OAS1: variants seen among roughly 807,000 people sequenced by gnomAD.
OAS1 encodes the protein 2'-5'-oligoadenylate synthase 1.
In OAS1, 24 loss-of-function variants were observed where a neutral mutation model predicts 38.5. The ratio of observed to expected loss-of-function variants is 0.62; its 90% CI spans 0.45 to 0.88. OAS1 has a LOEUF of 0.88. Ranked by LOEUF, OAS1 falls within the 40% of genes least tolerant of loss-of-function variation. OAS1 has a pLI of 0.00. For missense variants in OAS1, 482 were observed against 493.9 expected, an observed-to-expected ratio of 0.98 and a Z score of 0.23; for synonymous variants, 169 against 193.9, an observed-to-expected ratio of 0.87 and a Z score of 1.07.
At chr12:112,928,583 G>A (rs1419385058) in intron 6 of OAS1, among the ~76,000 whole-genome samples, 2 of 152,218 alleles carry the variant, frequency 1.3e-5, no homozygotes, top group African/African-American at 2.4e-5. Flanking sequence ...TTGCATTTAA[G>A]GCTGTTCTGT....
At position 112,917,583 on chromosome 12, in the gene OAS1, CTT is replaced by C; in HGVS notation, c.922_923del (p.Leu308GlyfsTer16). On this transcript the variant is annotated frameshift_variant, in exon 5 of 6. Coordinates refer to ENST00000202917, the MANE Select transcript of OAS1 (RefSeq NM_016816.4). LOFTEE classifies it high-confidence loss of function. ...ILDPADPTGNLGGGDPKGWRQ... is the reference protein window; with the variant it reads ...ILDPADPTGNXGGGDPKGWRQ... ...TGGACCCGGCGGACCCTACAGGAAA[CTT>C]GGGTGGTGGAGACCCAAAGGGTTGG... The C allele has an allele frequency of 1.2e-6, 2 of 1,614,178 alleles. No homozygotes were observed. Among genetic ancestry groups the C allele is most frequent in the Non-Finnish European group, 1.7e-6 (2 of 1,180,020 alleles).
chr12:112,921,237 C>T (rs1447963024), downstream of OAS1, among the ~76,000 whole-genome samples: 1 of 152,182 alleles, frequency 6.6e-6, no homozygotes, highest in African/African-American at 2.4e-5. Flanking sequence ...GATGTTTCAC[C>T]AGCTATCTTG....
At chr12:112,917,747 A>G (rs2043483256) in intron 5 of OAS1, 47 bp downstream of exon 5, 6 of 1,614,098 alleles carry the variant, frequency 3.7e-6, no homozygotes, top group Middle Eastern at 1.6e-4. Flanking sequence ...GCCCCTCTCC[A>G]TGAAGCTTGA....
downstream of OAS1, among the ~76,000 whole-genome samples, chr12:112,922,031 T>G (rs923454994): frequency 3.7e-4 from 56 of 152,188 alleles, no homozygotes; most frequent in Non-Finnish European, 1.6e-4. Flanking sequence ...TTTTTCACTC[T>G]TGGCTCCTAT....
chr12:112,915,237 T>C (rs1179985482), intron 3 of OAS1, among the ~76,000 whole-genome samples: 2 of 152,208 alleles, frequency 1.3e-5, no homozygotes, highest in East Asian at 1.9e-4. Flanking sequence ...TCTTCTAGAA[T>C]CTTTATGGTT....
chr12:112,917,570 A>G lies in OAS1; in HGVS notation c.908A>G (p.Asp303Gly), dbSNP rs1439027612. The change falls in exon 5 of 6, where the codon GAC becomes GGC. Residue 303 changes from aspartate (D) to glycine (G), a missense_variant. Coordinates refer to ENST00000202917, the MANE Select transcript of OAS1 (RefSeq NM_016816.4). ...AGGCCTGTGATCCTGGACCCGGCGGACCCTACAGGAAACTTGGGTGGTGGA... is the reference window on the plus strand; with the variant it reads ...AGGCCTGTGATCCTGGACCCGGCGGGCCCTACAGGAAACTTGGGTGGTGGA... The part of the protein sequence containing the change: ...KPRPVILDPA[D>G]PTGNLGGGDP... The G allele has an allele frequency of 6.2e-7, 1 of 1,614,080 alleles. No homozygotes were observed. The highest frequency in any genetic ancestry group is 8.5e-7 in the Non-Finnish European group (1 of 1,180,010).
intron 1 of OAS1, among the ~76,000 whole-genome samples, chr12:112,908,222 G>A (rs1593152005): frequency 2.0e-5 from 3 of 152,134 alleles, no homozygotes; most frequent in South Asian, 2.1e-4. Flanking sequence ...CCTGGGCATC[G>A]TAAAGGACAA....
At position 112,917,865 on chromosome 12, in the gene OAS1, A is replaced by G. The variant is rs966759461; in HGVS notation, c.1038+165A>G. On this transcript the variant is annotated intron_variant, in intron 5 of 5. Transcript: ENST00000202917. ...TCCATATTTTACAGTCATTTTGGTCACAATCGAGGGTTTCTGGAATTTTCA... is the reference window on the plus strand; with the variant it reads ...TCCATATTTTACAGTCATTTTGGTCGCAATCGAGGGTTTCTGGAATTTTCA... 2.6e-6 allele frequency: 4 copies of G among 1,512,862 alleles called. No individual in the cohort carries two copies. The Admixed American group carries it at 8.7e-5, about 33-fold the overall frequency. 93.7% of individuals were successfully genotyped at this position (1,512,862 alleles called of 1,614,324 possible).
chr12:112,918,324 A>G (rs1214535687), intron 5 of OAS1: 1 of 189,300 alleles, frequency 5.3e-6, no homozygotes, highest in East Asian at 1.5e-4. Context: ...CCATGATTTC[A>G]TTCTTTCTTA....
intron 5 of OAS1, chr12:112,918,298 T>C (rs2043491351): frequency 5.3e-6 from 1 of 187,320 alleles, no homozygotes; most frequent in South Asian, 1.0e-4. Context: ...CTTCGGATAA[T>C]GGCCTCCAGC....
Position 112,917,560 on chromosome 12 carries a change from G to C in OAS1, c.898G>C (p.Asp300His). ...GCTGCTCTGCAGGCCTGTGATCCTGGACCCGGCGGACCCTACAGGAAACTT... is the reference window on the plus strand; with the variant it reads ...GCTGCTCTGCAGGCCTGTGATCCTGCACCCGGCGGACCCTACAGGAAACTT... ...QLTKPRPVIL[D>H]PADPTGNLGG... is the part of the protein sequence containing the mutation. Residue 300 changes from aspartate to histidine, a missense_variant, in exon 5 of 6, where the codon GAC becomes CAC. Coordinates refer to ENST00000202917, the MANE Select transcript of OAS1 (RefSeq NM_016816.4). 6.2e-7 allele frequency: 1 copy of C among 1,614,110 alleles called. No homozygotes were observed.
intron 6 of OAS1, among the ~76,000 whole-genome samples, chr12:112,927,672 CT>C (rs1430234677): frequency 6.6e-6 from 1 of 152,222 alleles, no homozygotes; most frequent in Non-Finnish European, 1.5e-5. Flanking sequence ...ACATTAGCTG[CT>C]GTAACAAACA....
chr12:112,920,301 A>G (rs7135577), downstream of OAS1, among the ~76,000 whole-genome samples: 114,414 of 152,174 alleles, frequency 0.75, 44,167 homozygotes, highest in African/African-American at 0.93. Flanking sequence ...AGCCACATGT[A>G]TCAAATGCTT....
chr12:112,907,023 C>T lies in OAS1; in HGVS notation c.-17C>T. 6.2e-7 allele frequency: 1 copy of T among 1,613,878 alleles called. No individual in the cohort carries two copies. Among genetic ancestry groups the T allele is most frequent in the Non-Finnish European group, 8.5e-7 (1 of 1,179,746 alleles). On this transcript the variant is annotated 5_prime_UTR_variant, in exon 1 of 6. Coordinates refer to ENST00000202917, the MANE Select transcript of OAS1 (RefSeq NM_016816.4). ...CAGGTCTGGGAGGCAGTTCTGTTGC[C>T]ACTCTCTCTCCTGTCAATGATGGAT... is the stretch of plus-strand genomic sequence containing the variant.
At chr12:112,927,068 A>G (rs4766670) in intron 6 of OAS1, among the ~76,000 whole-genome samples, 113,197 of 152,154 alleles carry the variant, frequency 0.74, 43,412 homozygotes, top group African/African-American at 0.94. Flanking sequence ...GAACATCGCT[A>G]TTATCCTGTT....
At chr12:112,926,123 A>C (rs941417194) in intron 6 of OAS1, among the ~76,000 whole-genome samples, 4 of 152,164 alleles carry the variant, frequency 2.6e-5, no homozygotes, top group Non-Finnish European at 5.9e-5. Flanking sequence ...TGATATAATA[A>C]TTTATTAGAG....
At chr12:112,921,970 G>A (rs955860850), downstream of OAS1, among the ~76,000 whole-genome samples, 6 of 152,064 alleles carry the variant, frequency 3.9e-5, no homozygotes, top group Non-Finnish European at 7.4e-5. Flanking sequence ...TCACCAGGTC[G>A]GTCCATAGAC....
Position 112,917,673 on chromosome 12 carries a change from G to A in OAS1, c.1011G>A (p.Gly337=). 6.2e-7 allele frequency: 1 copy of A among 1,614,156 alleles called. No homozygotes were observed. Among genetic ancestry groups the A allele is most frequent in the Non-Finnish European group, 8.5e-7 (1 of 1,180,024 alleles). The stretch of plus-strand genomic sequence containing the variant: ...ACCCATGCTTTAAGAATTGGGATGG[G>A]TCCCCAGTGAGCTCCTGGATTCTGC... The part of the protein sequence containing the change: ...LNYPCFKNWD[G]SPVSSWILLA... Residue 337 remains glycine (G), a synonymous_variant, in exon 5 of 6, where the codon GGG becomes GGA. Transcript: ENST00000202917.
At chr12:112,916,478 A>T (rs774661526) in intron 3 of OAS1, 31 bp from the exon 4 acceptor site, 8 of 1,595,784 alleles carry the variant, frequency 5.0e-6, no homozygotes, top group Non-Finnish European at 6.9e-6. Context: ...GAGCAAACCA[A>T]TTTTTTTCTG....
Sources: gnomAD v4.1 joint callset for allele counts (sites outside exome capture counted in the v4.1 genomes callset) on GRCh38, gnomAD v4.1.1 for gene constraint, MANE v1.5 for transcripts, NCBI Gene and HGNC (gene_info 2026-07-23, HGNC 2026-07-21) for gene names.